MAP4: variants seen among roughly 807,000 people sequenced by gnomAD.
The protein encoded by MAP4 is microtubule associated protein 4.
MAP4 carries 76 observed loss-of-function variants against 170.2 expected under a neutral mutation model. The observed-to-expected ratio is 0.45, with a 90% CI of 0.37 to 0.54. The LOEUF is 0.54. MAP4 is among the 20% of genes least tolerant of loss of function. MAP4 has a pLI of 0.00. For missense variants in MAP4, 2,506 were observed against 2,748.0 expected (o/e 0.91, Z 1.97); for synonymous variants, 909 against 994.5 (o/e 0.91, Z 1.62).
chr3:47,951,457 C>G (rs1247472361), intron 3 of MAP4, among the ~76,000 whole-genome samples: 2 of 152,232 alleles, frequency 1.3e-5, no homozygotes, highest in Non-Finnish European at 2.9e-5. Flanking sequence ...CTGCCTGATT[C>G]TCCTGTCTCA....
chr3:48,030,353 AATACC>A (rs1320090961), intron 1 of MAP4, among the ~76,000 whole-genome samples: 2 of 152,020 alleles, frequency 1.3e-5, no homozygotes, highest in East Asian at 3.9e-4. Context: ...GCTGGTTTCT[AATACC>A]ATTCTCTGAT....
chr3:48,080,985 G>A (rs2100146368), intron 1 of MAP4, among the ~76,000 whole-genome samples: 1 of 152,312 alleles, frequency 6.6e-6, no homozygotes, highest in African/African-American at 2.4e-5. Flanking sequence ...TTAGCCAGGC[G>A]TGGTGGCGGG....
At chr3:47,892,917 C>T (rs1387463406) in intron 10 of MAP4, 10 of 986,600 alleles carry the variant, frequency 1.0e-5, no homozygotes, top group Non-Finnish European at 1.2e-5. Flanking sequence ...CCCACCCTTC[C>T]ACATTCAACC....
At chr3:47,995,411 T>A (rs1485026663) in intron 2 of MAP4, among the ~76,000 whole-genome samples, 1 of 152,064 alleles carries the variant, frequency 6.6e-6, no homozygotes, top group Admixed American at 6.6e-5. Context: ...CCATTACCCC[T>A]GGCTAATTTT....
intron 2 of MAP4, among the ~76,000 whole-genome samples, chr3:47,989,501 G>A (rs2100090871): frequency 6.6e-6 from 1 of 152,142 alleles, no homozygotes; most frequent in Non-Finnish European, 1.5e-5. Flanking sequence ...TTGACCAACT[G>A]TAAATTTATC....
In MAP4 at chr3:48,021,937, C is replaced by T. The variant is rs1003467804; in HGVS notation, c.-19-23058G>A. On this transcript the variant is annotated intron_variant, in intron 1 of 18. Transcript: ENST00000360240. The stretch of plus-strand genomic sequence containing the variant: ...TAATGAAAACATTGTGGTACCTGCA[C>T]AATCACCAAGAAAGAGGCCAATGTA... Among the ~76,000 whole-genome samples, 9 of 152,038 alleles carry T rather than the reference C, an allele frequency of 5.9e-5. No individual in the cohort carries two copies. In the South Asian group the frequency reaches 8.3e-4, roughly 14 times the overall value.
chr3:47,918,741 T>C lies in MAP4; in HGVS notation c.630A>G (p.Ala210=), dbSNP rs1190732716. 6.2e-7 allele frequency: 1 copy of C among 1,610,614 alleles called. No individual in the cohort carries two copies. Among genetic ancestry groups the C allele is most frequent in the Non-Finnish European group, 8.5e-7 (1 of 1,177,072 alleles). The stretch of plus-strand genomic sequence containing the variant: ...TACCTGCCGTTGGCTGAGGAGGTTC[T>C]GCAACAGCCTCTGGGGAAACAAAGG... ...SESFVSPEAV[A]EPPQPTAVPL... is the part of the protein sequence containing the mutation. Residue 210 remains alanine (A), a synonymous_variant, in exon 6 of 21, where the codon GCA becomes GCG. Coordinates refer to ENST00000683076, the MANE Select transcript of MAP4 (RefSeq NM_001385682.1).
chr3:48,068,560 C>T (rs6774297), intron 1 of MAP4, among the ~76,000 whole-genome samples: 14,616 of 152,038 alleles, frequency 0.096, 2,369 homozygotes, highest in African/African-American at 0.33. Context: ...GAGGCCAAGG[C>T]GGGCGGATCA....
chr3:47,929,293 T>C lies in MAP4; in HGVS notation c.293-943A>G, dbSNP rs944936724. Among the ~76,000 whole-genome samples the C allele has an allele frequency of 3.3e-5, 5 of 152,018 alleles. No individual in the cohort carries two copies. In the South Asian group the frequency reaches 1.0e-3, roughly 31 times the overall value. ...TCACTTGAACCTGGGAGTGGGAAGG[T>C]TGCAGTGAGCCAAGATTGCGCCACT... On this transcript the variant is annotated intron_variant, in intron 3 of 20. Coordinates refer to ENST00000683076, the MANE Select transcript of MAP4 (RefSeq NM_001385682.1).
At chr3:47,955,435 TACACACAC>T (rs3079351) in intron 3 of MAP4, among the ~76,000 whole-genome samples, 1,805 of 135,428 alleles carry the variant, frequency 0.013, 18 homozygotes, top group South Asian at 0.031. Context: ...AATAAGCACG[TACACACAC>T]ACACACACAC....
intron 4 of MAP4, among the ~76,000 whole-genome samples, chr3:47,927,795 G>A (rs943211706): frequency 3.3e-5 from 5 of 152,160 alleles, no homozygotes; most frequent in Non-Finnish European, 7.3e-5. Context: ...TTTATAGAAA[G>A]TGGGTATGAA....
intron 1 of MAP4, among the ~76,000 whole-genome samples, chr3:48,008,708 G>C (rs1473441621): frequency 6.6e-6 from 1 of 152,198 alleles, no homozygotes; most frequent in Non-Finnish European, 1.5e-5. Context: ...CTAGTGGATA[G>C]GATGACCCAT....
At chr3:47,987,485 A>C (rs566319023) in intron 2 of MAP4, 1 of 1,235,270 alleles carries the variant, frequency 8.1e-7, no homozygotes, top group South Asian at 1.5e-5. Flanking sequence ...AGTTACATCT[A>C]AATCCAATCT....
chr3:47,945,191 A>C (rs1055391535), intron 3 of MAP4, among the ~76,000 whole-genome samples: 6 of 151,866 alleles, frequency 4.0e-5, no homozygotes, highest in African/African-American at 1.2e-4. Flanking sequence ...CTCTCTACTA[A>C]AAATACAAAA....
At chr3:47,951,772 C>A (rs1269457869) in intron 3 of MAP4, among the ~76,000 whole-genome samples, 1 of 152,198 alleles carries the variant, frequency 6.6e-6, no homozygotes, top group Non-Finnish European at 1.5e-5. Context: ...CGGCAGCCAC[C>A]CCGTCTGGGA....
At chr3:47,887,165 A>C (rs1375959977) in intron 10 of MAP4, among the ~76,000 whole-genome samples, 2 of 152,206 alleles carry the variant, frequency 1.3e-5, no homozygotes, top group African/African-American at 4.8e-5. Flanking sequence ...GGGCTGGCCA[A>C]GGCCAGAGCC....
intron 17 of MAP4, among the ~76,000 whole-genome samples, chr3:47,863,909 T>TGG (rs1553728577): frequency 8.2e-6 from 1 of 121,968 alleles, no homozygotes; most frequent in African/African-American, 3.5e-5. Flanking sequence ...TGTGTGTGTG[T>TGG]GTGTGGGTGT....
At chr3:48,048,956 ACTAAT>A (rs1258394211) in intron 1 of MAP4, among the ~76,000 whole-genome samples, 3 of 152,042 alleles carry the variant, frequency 2.0e-5, no homozygotes, top group East Asian at 1.9e-4. Flanking sequence ...CCTGGCAATC[ACTAAT>A]CTATTCTTCA....
At chr3:47,991,630 G>C (rs778998695) in intron 2 of MAP4, among the ~76,000 whole-genome samples, 19 of 152,076 alleles carry the variant, frequency 1.2e-4, no homozygotes, top group Non-Finnish European at 2.1e-4. Context: ...TTGTGCCACT[G>C]CACTCCAGCC....
Sources: allele counts gnomAD v4.1 joint callset (sites outside exome capture counted in the v4.1 genomes callset), GRCh38; gene constraint gnomAD v4.1.1; transcripts MANE v1.5; gene names NCBI Gene and HGNC (gene_info 2026-07-23, HGNC 2026-07-21).